Variants in BAZ2B observed in about 807,000 individuals in gnomAD.
BAZ2B encodes the protein bromodomain adjacent to zinc finger domain protein 2B.
A neutral mutation model predicts 246.0 loss-of-function variants in BAZ2B; 91 were observed. The observed-to-expected ratio is 0.37, with a 90% CI of 0.31 to 0.44. BAZ2B has a LOEUF of 0.44. Among genes scored for constraint, BAZ2B ranks in the 20% least tolerant of loss-of-function variants. The pLI, the probability that BAZ2B is intolerant of heterozygous loss-of-function variation, is 1.00. For synonymous variants in BAZ2B, 855 were observed against 860.0 expected (o/e 0.99, Z 0.10); for missense variants, 2,332 against 2,533.7 (o/e 0.92, Z 1.71).
the BAZ2B span, among the ~76,000 whole-genome samples, chr2:159,706,937 A>G: frequency 6.6e-6 from 1 of 152,330 alleles, no homozygotes; most frequent in South Asian, 2.1e-4. Flanking sequence ...GAAGTTTCCT[A>G]GAAAAGAAAT....
chr2:159,428,041 T>G lies in BAZ2B; in HGVS notation c.2366A>C (p.Tyr789Ser). ...KLRQYPEVIK[Y>S]LSRNGIMDIS... The stretch of plus-strand genomic sequence containing the variant: ...ATCCATTATTCCATTTCTGCTGAGA[T>G]ACTGAAAAAATCACATATTTTTCCA... The change falls in exon 13 of 37, where the codon TAT becomes TCT. Residue 789 changes from tyrosine (Y) to serine (S), a missense_variant and splice_region_variant. Coordinates refer to ENST00000392783, the MANE Select transcript of BAZ2B (RefSeq NM_013450.4). 6.2e-7 allele frequency: 1 copy of G among 1,612,274 alleles called. No individual in the cohort carries two copies. The highest frequency in any genetic ancestry group is 8.5e-7 in the Non-Finnish European group (1 of 1,178,740).
chr2:159,661,908 G>A, the BAZ2B span, among the ~76,000 whole-genome samples: 1 of 152,124 alleles, frequency 6.6e-6, no homozygotes, highest in East Asian at 1.9e-4. Context: ...ACCATGCCTG[G>A]CCAACAATCT....
the BAZ2B span, among the ~76,000 whole-genome samples, chr2:159,700,532 G>A: frequency 8.5e-5 from 13 of 152,236 alleles, no homozygotes; most frequent in African/African-American, 2.2e-4. Context: ...TGCAACCTCC[G>A]CCTCCCGGGT....
At chr2:159,474,499 ACTCT>A (rs2078243698) in intron 3 of BAZ2B, among the ~76,000 whole-genome samples, 1 of 151,438 alleles carries the variant, frequency 6.6e-6, no homozygotes, top group African/African-American at 2.4e-5. Context: ...ATGGGTCTTG[ACTCT>A]CTATCCAATT....
At position 159,438,449 on chromosome 2, in the gene BAZ2B, T is replaced by C; in HGVS notation, c.1147A>G (p.Asn383Asp). Residue 383 changes from asparagine to aspartate, a missense_variant, in exon 8 of 37, where the codon AAT becomes GAT. Coordinates refer to ENST00000392783, the MANE Select transcript of BAZ2B (RefSeq NM_013450.4). ...TTTACCAAAGATAAAGGTTTCACAT[T>C]GGACACCAATCCCGTAGACTGTATT... ...SVIQSTGLVS[N>D]VKPLSLVNQA... 1.2e-6 allele frequency: 2 copies of C among 1,614,182 alleles called. No individual in the cohort carries two copies. The highest frequency in any genetic ancestry group is 2.2e-5 in the East Asian group (1 of 44,876).
chr2:159,410,670 C>T (rs1287005440), intron 14 of BAZ2B, among the ~76,000 whole-genome samples: 1 of 152,134 alleles, frequency 6.6e-6, no homozygotes, highest in Non-Finnish European at 1.5e-5. Context: ...GACTAATACA[C>T]ATACTAAGAT....
rs779377622 is a variant in BAZ2B, at chr2:159,337,006, T to C, written c.5732A>G (p.Gln1911Arg). 1 of 1,611,054 alleles carries C rather than the reference T, an allele frequency of 6.2e-7. No individual in the cohort carries two copies. The highest frequency in any genetic ancestry group is 1.7e-5 in the Admixed American group (1 of 59,974). ...RALSEARSAAQVALCIQQLQK... is the reference protein window; with the variant it reads ...RALSEARSAARVALCIQQLQK... ...TAATTGCTGAATGCACAGAGCTACCTGTGCAGCACTGCGAGCTTCTGATAA... is the reference window on the plus strand; with the variant it reads ...TAATTGCTGAATGCACAGAGCTACCCGTGCAGCACTGCGAGCTTCTGATAA... Residue 1911 changes from glutamine (Q) to arginine (R), a missense_variant, in exon 33 of 37, where the codon CAG (glutamine) becomes CGG (arginine). Around this residue, in one of 9 missense-constraint regions of BAZ2B, gnomAD observed 53 missense variants for 62.0 expected, o/e 0.86. Transcript: ENST00000392783.
intron 2 of BAZ2B, among the ~76,000 whole-genome samples, chr2:159,502,332 TAAAAA>T (rs35264021): frequency 6.7e-6 from 1 of 149,848 alleles, no homozygotes; most frequent in Non-Finnish European, 1.5e-5. Context: ...ATAAAGCTGT[TAAAAA>T]AAAAAAGGCT....
rs760976513 is a variant in BAZ2B at position 159,386,627 on chromosome 2, C to G, written c.3217-20G>C. ...CAAAGGCTGAAAATAAAATGAAATA[C>G]AAATAAAATAAAAACAGCTTAATTT... is the stretch of plus-strand genomic sequence containing the variant. On this transcript the variant is annotated intron_variant, in intron 21 of 36. Transcript: ENST00000392783. 2 of 1,560,874 alleles carry G rather than the reference C, an allele frequency of 1.3e-6. No individual in the cohort carries two copies. The highest frequency in any genetic ancestry group is 2.4e-5 in the South Asian group (2 of 82,958).
At chr2:159,491,496 G>C (rs951654528) in intron 2 of BAZ2B, among the ~76,000 whole-genome samples, 1 of 151,388 alleles carries the variant, frequency 6.6e-6, no homozygotes, top group East Asian at 1.9e-4. Flanking sequence ...CGAGGCGGGC[G>C]GATCACGAGG....
chr2:159,519,569 G>A (rs992227970), intron 2 of BAZ2B, among the ~76,000 whole-genome samples: 1 of 151,246 alleles, frequency 6.6e-6, no homozygotes, highest in Non-Finnish European at 1.5e-5. Context: ...TATGCTAGAT[G>A]AGAGCATAAG....
At chr2:159,538,747 T>C (rs1481835343) in intron 2 of BAZ2B, among the ~76,000 whole-genome samples, 2 of 152,204 alleles carry the variant, frequency 1.3e-5, no homozygotes, top group Admixed American at 6.5e-5. Context: ...AAAAACATAG[T>C]GGCAAAATTT....
At chr2:159,624,025 T>C in the BAZ2B span, among the ~76,000 whole-genome samples, 61,305 of 152,024 alleles carry the variant, frequency 0.4, 12,913 homozygotes, top group African/African-American at 0.5. Flanking sequence ...GCATCTGCCA[T>C]TGATGAGGCT....
chr2:159,471,896 G>A (rs909081089), intron 3 of BAZ2B, among the ~76,000 whole-genome samples: 3 of 152,048 alleles, frequency 2.0e-5, no homozygotes, highest in Admixed American at 1.3e-4. Context: ...ATATACATAA[G>A]CTACTAGATG....
chr2:159,574,273 G>A (rs1391363071), intron 1 of BAZ2B, among the ~76,000 whole-genome samples: 1 of 119,916 alleles, frequency 8.3e-6, no homozygotes, highest in Non-Finnish European at 1.8e-5. Flanking sequence ...AATATCATTA[G>A]TCATCAGAGA....
intron 1 of BAZ2B, among the ~76,000 whole-genome samples, chr2:159,578,349 T>C (rs1685857802): frequency 6.6e-6 from 1 of 152,202 alleles, no homozygotes; most frequent in Non-Finnish European, 1.5e-5. Flanking sequence ...AAAAGTTCTA[T>C]GGTAAAATAA....
chr2:159,328,070 G>GAAAAAAAAAAAAA (rs1306873341), intron 34 of BAZ2B, among the ~76,000 whole-genome samples: 1 of 49,526 alleles, frequency 2.0e-5, no homozygotes, highest in Non-Finnish European at 4.4e-5. Flanking sequence ...GCCTCAAAAC[G>GAAAAAAAAAAAAA]AAAAAAAAAA....
the BAZ2B span, among the ~76,000 whole-genome samples, chr2:159,669,051 C>T: frequency 7.7e-6 from 1 of 130,300 alleles, no homozygotes. Flanking sequence ...GCAAGAGACT[C>T]CGTCTCAAAA....
the BAZ2B span, chr2:159,695,295 A>G: frequency 6.6e-6 from 1 of 152,042 alleles, no homozygotes; most frequent in Non-Finnish European, 1.5e-5. Context: ...TTTTTCTCAC[A>G]TTCTATGTGT....
Sources: gnomAD v4.1 joint callset for allele counts (sites outside exome capture counted in the v4.1 genomes callset) on GRCh38, gnomAD v4.1.1 for gene constraint, gnomAD v4.1.1 regional missense constraint, MANE v1.5 for transcripts, NCBI Gene and HGNC (gene_info 2026-07-23, HGNC 2026-07-21) for gene names.